The following SLCO3A1 variants were observed in gnomAD, a reference collection of about 807,000 sequenced individuals.
SLCO3A1 encodes PGE1 transporter.
A neutral mutation model predicts 63.1 loss-of-function variants in SLCO3A1; 27 were observed. The observed-to-expected ratio is 0.43, with a 90% CI of 0.32 to 0.59. SLCO3A1 has a LOEUF of 0.59. SLCO3A1 is among the 20% of genes least tolerant of loss of function. SLCO3A1 has a pLI of 0.09. For synonymous variants in SLCO3A1, 473 were observed against 409.9 expected (o/e 1.15, Z -1.86); for missense variants, 773 against 945.8 (o/e 0.82, Z 2.40).
intron 7 of SLCO3A1, among the ~76,000 whole-genome samples, chr15:92,129,443 C>G (rs1303982098): frequency 2.0e-5 from 3 of 152,148 alleles, no homozygotes; most frequent in African/African-American, 7.2e-5. Flanking sequence ...CTCCAATGTC[C>G]CCTCCTCTGA....
chr15:92,137,548 C>A lies in SLCO3A1; in HGVS notation c.1512+9059C>A, dbSNP rs1415865323. On this transcript the variant is annotated intron_variant, in intron 7 of 9. Transcript: ENST00000318445. ...GTTCTAGATCCCTGAGGAATTGCCACACTGACTTCCACAATGGTTGAACTA... is the reference window on the plus strand; with the variant it reads ...GTTCTAGATCCCTGAGGAATTGCCAAACTGACTTCCACAATGGTTGAACTA... Among the ~76,000 whole-genome samples the A allele has an allele frequency of 2.8e-5, 3 of 107,486 alleles. 1 individual carries two copies. Among genetic ancestry groups the A allele is most frequent in the Non-Finnish European group, 5.3e-5 (3 of 56,212 alleles). 70.5% of individuals were successfully genotyped at this position (107,486 alleles called of 152,430 possible).
intron 2 of SLCO3A1, among the ~76,000 whole-genome samples, chr15:91,939,041 G>A (rs4932517): frequency 0.43 from 65,177 of 151,942 alleles, 14,709 homozygotes; most frequent in East Asian, 0.81. Context: ...GATTGTTCTT[G>A]CATTGCTATA....
chr15:91,906,130 G>A (rs1274757275), intron 1 of SLCO3A1, among the ~76,000 whole-genome samples: 1 of 152,222 alleles, frequency 6.6e-6, no homozygotes, highest in Non-Finnish European at 1.5e-5. Context: ...ATAGTGGAGA[G>A]TAAGTGTGTC....
chr15:92,158,195 C>G (rs1378078138), intron 9 of SLCO3A1, among the ~76,000 whole-genome samples: 1 of 152,142 alleles, frequency 6.6e-6, no homozygotes, highest in African/African-American at 2.4e-5. Flanking sequence ...AAGGGCTGCC[C>G]GCTTTGCAAA....
At chr15:92,105,863 AT>A (rs1314812348) in intron 4 of SLCO3A1, among the ~76,000 whole-genome samples, 2 of 152,226 alleles carry the variant, frequency 1.3e-5, no homozygotes, top group Non-Finnish European at 2.9e-5. Context: ...TTATTTAGAC[AT>A]TTCCTAGCAG....
chr15:92,017,306 C>T (rs1169721510), intron 2 of SLCO3A1, among the ~76,000 whole-genome samples: 1 of 151,270 alleles, frequency 6.6e-6, no homozygotes, highest in Non-Finnish European at 1.5e-5. Context: ...AGGGAAAGAG[C>T]AGGTGGCATT....
chr15:92,091,704 T>G (rs746899301), intron 2 of SLCO3A1, among the ~76,000 whole-genome samples: 3 of 152,180 alleles, frequency 2.0e-5, no homozygotes, highest in Non-Finnish European at 2.9e-5. Flanking sequence ...TTGAGGTCCG[T>G]GTGACGAGGA....
chr15:92,134,775 T>C (rs1249442864), intron 7 of SLCO3A1, among the ~76,000 whole-genome samples: 1 of 152,110 alleles, frequency 6.6e-6, no homozygotes, highest in Non-Finnish European at 1.5e-5. Context: ...AAATCCAACA[T>C]TAAAGGTTAG....
intron 2 of SLCO3A1, among the ~76,000 whole-genome samples, chr15:92,054,417 T>G (rs2046997800): frequency 6.6e-6 from 1 of 152,246 alleles, no homozygotes; most frequent in South Asian, 2.1e-4. Context: ...TCCCAAGTCT[T>G]TTTTCACTGA....
chr15:91,874,331 A>G (rs1276337012), intron 1 of SLCO3A1, among the ~76,000 whole-genome samples: 3 of 152,108 alleles, frequency 2.0e-5, no homozygotes, highest in Non-Finnish European at 4.4e-5. Flanking sequence ...TATATTCACA[A>G]CGTTGTGCAA....
chr15:91,921,103 A>G (rs1898829130), intron 2 of SLCO3A1, among the ~76,000 whole-genome samples: 1 of 152,194 alleles, frequency 6.6e-6, no homozygotes, highest in Non-Finnish European at 1.5e-5. Context: ...TTATAGTTTT[A>G]GAGGCTGGAA....
chr15:92,110,169 G>A (rs1001779249), intron 4 of SLCO3A1, among the ~76,000 whole-genome samples: 4 of 152,120 alleles, frequency 2.6e-5, no homozygotes, highest in African/African-American at 9.7e-5. Flanking sequence ...AGATCCTCCT[G>A]GGTCCTTGTA....
chr15:91,970,435 G>T (rs544099029), intron 2 of SLCO3A1, among the ~76,000 whole-genome samples: 1 of 152,162 alleles, frequency 6.6e-6, no homozygotes, highest in Admixed American at 6.5e-5. Context: ...CTTTGGGGTG[G>T]GCAGAGTTGT....
At chr15:91,914,841 G>T (rs1346625144) in intron 1 of SLCO3A1, among the ~76,000 whole-genome samples, 2 of 152,038 alleles carry the variant, frequency 1.3e-5, no homozygotes, top group Non-Finnish European at 2.9e-5. Context: ...CAAAGTGTTG[G>T]GATTACAGGT....
chr15:91,923,569 T>C (rs1210893028), intron 2 of SLCO3A1, among the ~76,000 whole-genome samples: 1 of 152,250 alleles, frequency 6.6e-6, no homozygotes, highest in Non-Finnish European at 1.5e-5. Context: ...GGATTGGCTT[T>C]CTGGGTTCTA....
chr15:91,903,600 G>T (rs1345465891), intron 1 of SLCO3A1, among the ~76,000 whole-genome samples: 1 of 152,138 alleles, frequency 6.6e-6, no homozygotes, highest in Non-Finnish European at 1.5e-5. Flanking sequence ...ATGAGAGATT[G>T]GTGCCTTTTC....
chr15:92,006,953 A>G (rs1567063156), intron 2 of SLCO3A1, among the ~76,000 whole-genome samples: 1 of 152,264 alleles, frequency 6.6e-6, no homozygotes, highest in East Asian at 1.9e-4. Context: ...TTCTAAAGGA[A>G]GTAGCAGAAA....
In SLCO3A1 at chr15:91,948,942, T is replaced by A. The variant is rs1391337973; in HGVS notation, c.646+32484T>A. ...AATACTTTGGTTTTTTTTTTTTTACTATTATTTCTGCTTACCTCACCTTTT... is the reference window on the plus strand; with the variant it reads ...AATACTTTGGTTTTTTTTTTTTTACAATTATTTCTGCTTACCTCACCTTTT... On this transcript the variant is annotated intron_variant, in intron 2 of 9. Coordinates refer to ENST00000318445, the MANE Select transcript of SLCO3A1 (RefSeq NM_013272.4). The surrounding 1 kb of genome is among the most constrained non-coding windows in gnomAD (Gnocchi z 4.8). 6.6e-6 allele frequency among the ~76,000 whole-genome samples: 1 copy of A among 152,008 alleles called. No homozygotes were observed. The highest frequency in any genetic ancestry group is 1.5e-5 in the Non-Finnish European group (1 of 67,980).
At chr15:92,045,548 G>A (rs568384167) in intron 2 of SLCO3A1, among the ~76,000 whole-genome samples, 7 of 152,168 alleles carry the variant, frequency 4.6e-5, no homozygotes, top group South Asian at 4.1e-4. Flanking sequence ...TCTTAAAATA[G>A]CATTTTTAAT....
Sources: allele counts gnomAD v4.1 joint callset (sites outside exome capture counted in the v4.1 genomes callset), GRCh38; gene constraint gnomAD v4.1.1; non-coding constraint Gnocchi (gnomAD v3.1); transcripts MANE v1.5; gene names NCBI Gene and HGNC (gene_info 2026-07-23, HGNC 2026-07-21).